COL25A1: variants seen among roughly 807,000 people sequenced by gnomAD.
COL25A1 encodes collagen type XXV alpha 1 chain.
Under a neutral mutation model 128.4 loss-of-function variants are expected in COL25A1, and 103 were observed. That is an observed-to-expected ratio of 0.80 (90% CI 0.68 to 0.94). The LOEUF is 0.94. Among genes scored for constraint, COL25A1 ranks in the 40% least tolerant of loss-of-function variants. The pLI is 0.00. For synonymous variants in COL25A1, 279 were observed against 277.2 expected, an observed-to-expected ratio of 1.01 and a Z score of -0.06; for missense variants, 745 against 840.0, an observed-to-expected ratio of 0.89 and a Z score of 1.40.
intron 37 of COL25A1, 24 bp from the exon 38 acceptor site, chr4:108,813,953 A>G: frequency 6.3e-7 from 1 of 1,575,918 alleles, no homozygotes; most frequent in Non-Finnish European, 8.7e-7. Flanking sequence ...CAACAAAAAG[A>G]CAAATACATG....
chr4:109,012,413 G>A (rs1271408887), intron 5 of COL25A1, among the ~76,000 whole-genome samples: 2 of 106,192 alleles, frequency 1.9e-5, no homozygotes, highest in African/African-American at 6.2e-5. Flanking sequence ...CACTGTGGGA[G>A]CCCCTGTCTG....
chr4:109,031,267 G>A (rs1177392739), intron 5 of COL25A1, among the ~76,000 whole-genome samples: 1 of 151,974 alleles, frequency 6.6e-6, no homozygotes, highest in African/African-American at 2.4e-5. Flanking sequence ...GCCTGCCACC[G>A]CGCCCGGCTA....
intron 37 of COL25A1, among the ~76,000 whole-genome samples, chr4:108,816,455 T>C (rs914989863): frequency 2.0e-5 from 3 of 152,208 alleles, no homozygotes; most frequent in African/African-American, 4.8e-5. Flanking sequence ...TCTTGTGCAT[T>C]TCCTCAGCTC....
chr4:108,969,045 A>T (rs1238202565), intron 8 of COL25A1, among the ~76,000 whole-genome samples: 1 of 152,146 alleles, frequency 6.6e-6, no homozygotes, highest in Non-Finnish European at 1.5e-5. Flanking sequence ...ACAGGTCCTC[A>T]GTGTCAGCTG....
At chr4:109,091,336 A>G (rs1764878330) in intron 3 of COL25A1, among the ~76,000 whole-genome samples, 1 of 152,144 alleles carries the variant, frequency 6.6e-6, no homozygotes, top group Non-Finnish European at 1.5e-5. Flanking sequence ...AAGTCCCATT[A>G]CTATTTCAGA....
At chr4:109,138,934 C>T (rs894059352) in intron 3 of COL25A1, among the ~76,000 whole-genome samples, 1 of 152,120 alleles carries the variant, frequency 6.6e-6, no homozygotes, top group Non-Finnish European at 1.5e-5. Context: ...GTCTTGATCT[C>T]CTGACCTTGT....
chr4:108,874,415 G>A (rs11938692), intron 19 of COL25A1, among the ~76,000 whole-genome samples: 83,288 of 151,976 alleles, frequency 0.55, 24,034 homozygotes, highest in East Asian at 1. Flanking sequence ...CTATAATGGA[G>A]TTAAGTACTT....
At chr4:108,878,439 C>T (rs1165037549) in intron 19 of COL25A1, among the ~76,000 whole-genome samples, 3 of 152,112 alleles carry the variant, frequency 2.0e-5, no homozygotes, top group African/African-American at 7.2e-5. Context: ...GCATTAGCCA[C>T]ATAATATTCC....
chr4:108,813,603 C>A lies in COL25A1; in HGVS notation c.*324G>T. On this transcript the variant is annotated 3_prime_UTR_variant, in exon 38 of 38. Coordinates refer to ENST00000399132, the MANE Select transcript of COL25A1 (RefSeq NM_198721.4). The stretch of plus-strand genomic sequence containing the variant: ...AAACTATTTCATGGCACTTTTTGTC[C>A]ATGCAATTAGCAAGCCAAAAGAAGG... 1 of 263,210 alleles carries A rather than the reference C, an allele frequency of 3.8e-6. No individual in the cohort carries two copies. The highest frequency in any genetic ancestry group is 7.2e-6 in the Non-Finnish European group (1 of 138,378). The allele number at this position is 263,210 out of a possible 1,614,324, so 16.3% of individuals were successfully genotyped here. A position where few individuals can be genotyped will look rare whatever the true frequency, so the allele number is the denominator to read the frequency against.
intron 3 of COL25A1, among the ~76,000 whole-genome samples, chr4:109,058,465 G>A (rs1168565842): frequency 6.6e-6 from 1 of 151,964 alleles, no homozygotes. Context: ...AATTAGCTTT[G>A]CAGATTATAT....
chr4:109,297,885 T>TC (rs2126290921), intron 3 of COL25A1, among the ~76,000 whole-genome samples: 1 of 142,726 alleles, frequency 7.0e-6, no homozygotes, highest in East Asian at 2.0e-4. Context: ...TTTTTTTTTT[T>TC]TTTTTTGCCG....
At chr4:109,224,291 G>A (rs907116053) in intron 3 of COL25A1, among the ~76,000 whole-genome samples, 1 of 152,134 alleles carries the variant, frequency 6.6e-6, no homozygotes, top group Non-Finnish European at 1.5e-5. Context: ...TCAAAAAAAG[G>A]TCATTGGAAT....
intron 3 of COL25A1, among the ~76,000 whole-genome samples, chr4:109,256,471 A>T (rs1183065910): frequency 6.6e-6 from 1 of 152,138 alleles, no homozygotes; most frequent in Non-Finnish European, 1.5e-5. Context: ...GGGTAACTGA[A>T]TTTTTGTGAT....
intron 6 of COL25A1, among the ~76,000 whole-genome samples, chr4:108,977,526 G>GCA (rs1752550806): frequency 1.3e-5 from 2 of 152,134 alleles, no homozygotes; most frequent in African/African-American, 4.8e-5. Context: ...TTGTGGTGGG[G>GCA]CAGATGAAAG....
At chr4:109,151,612 C>A (rs1159234478) in intron 3 of COL25A1, among the ~76,000 whole-genome samples, 2 of 152,030 alleles carry the variant, frequency 1.3e-5, no homozygotes, top group Non-Finnish European at 2.9e-5. Context: ...TATGGGAATC[C>A]CTCCAAGCTG....
At chr4:109,035,668 T>G (rs1759271410) in intron 5 of COL25A1, among the ~76,000 whole-genome samples, 1 of 152,092 alleles carries the variant, frequency 6.6e-6, no homozygotes, top group Non-Finnish European at 1.5e-5. Flanking sequence ...GGTTTCCCAA[T>G]CCAAATTTAT....
intron 4 of COL25A1, among the ~76,000 whole-genome samples, chr4:109,048,974 C>T (rs1433852385): frequency 6.6e-6 from 1 of 152,076 alleles, no homozygotes; most frequent in Non-Finnish European, 1.5e-5. Flanking sequence ...AATACCTATA[C>T]AAGTTTCCAA....
At chr4:109,170,444 G>T (rs1374107724) in intron 3 of COL25A1, among the ~76,000 whole-genome samples, 1 of 152,046 alleles carries the variant, frequency 6.6e-6, no homozygotes, top group East Asian at 1.9e-4. Flanking sequence ...CCAATATTCA[G>T]TGTGAACTCT....
rs527663722 is a variant in COL25A1 at position 108,915,316 on chromosome 4, C to A, written c.780+2856G>T. ...CCAACCTGAATGGATGGACAATGTT[C>A]TATGGGAAACAAAGCATTTTTGTCT... On this transcript the variant is annotated intron_variant, in intron 13 of 37. Transcript: ENST00000399132. 3.7e-4 allele frequency among the ~76,000 whole-genome samples: 57 copies of A among 152,290 alleles called. 4 individuals carry two copies. The South Asian group carries it at 4.6e-3, about 12-fold the overall frequency.
Sources: gnomAD v4.1 joint callset for allele counts (sites outside exome capture counted in the v4.1 genomes callset) on GRCh38, gnomAD v4.1.1 for gene constraint, MANE v1.5 for transcripts, NCBI Gene and HGNC (gene_info 2026-07-23, HGNC 2026-07-21) for gene names.